The following SCRT2 variants were observed in gnomAD, a reference collection of about 807,000 sequenced individuals.
The protein encoded by SCRT2 is scratch family transcriptional repressor 2, also known as transcriptional repressor scratch 2.
Under a neutral mutation model 3.7 loss-of-function variants are expected in SCRT2, and 2 were observed. That is an observed-to-expected ratio of 0.54 (90% CI 0.22 to 1.70). The LOEUF (loss-of-function observed/expected upper bound fraction) is 1.70, where lower values mean the gene tolerates loss of function less well. Among genes scored for constraint, SCRT2 ranks in the 40% most tolerant of loss-of-function variants. The pLI is 0.19. For synonymous variants in SCRT2, 256 were observed against 220.6 expected (o/e 1.16, Z -1.42); for missense variants, 456 against 468.5 (o/e 0.97, Z 0.25).
intron 1 of SCRT2, among the ~76,000 whole-genome samples, chr20:673,262 G>T (rs1984404147): frequency 6.6e-6 from 1 of 152,234 alleles, no homozygotes; most frequent in Non-Finnish European, 1.5e-5. Context: ...CCTGACAGTG[G>T]CCTCCCAGCA....
Position 666,810 on chromosome 20 carries a change from C to A in SCRT2, c.134-2349G>T, listed in dbSNP as rs1984169234. Among the ~76,000 whole-genome samples the A allele has an allele frequency of 6.6e-6, 1 of 152,208 alleles. No individual in the cohort carries two copies. Among genetic ancestry groups the A allele is most frequent in the Non-Finnish European group, 1.5e-5 (1 of 68,034 alleles). ...CAGTCCTGTTCACCTGGTCTCAGGG[C>A]AGGTCTGCATCTCATGTGTCTGGGG... On this transcript the variant is annotated intron_variant, in intron 1 of 1. Transcript: ENST00000246104. The surrounding 1 kb of genome is among the most constrained non-coding windows in gnomAD (Gnocchi z 4.4).
Position 664,525 on chromosome 20 carries a change from G to T in SCRT2, c.134-64C>A. 8.7e-7 allele frequency: 1 copy of T among 1,149,192 alleles called. No individual in the cohort carries two copies. Among genetic ancestry groups the T allele is most frequent in the Non-Finnish European group, 1.1e-6 (1 of 909,516 alleles). The allele number at this position is 1,149,192 out of a possible 1,614,324, so 71.2% of individuals were successfully genotyped here. The stretch of plus-strand genomic sequence containing the variant: ...CGCCGAAGAGGGTTTCCCGCTTTGA[G>T]CGCGTCACCCTTTGCGCCTTCCAGC... On this transcript the variant is annotated intron_variant, in intron 1 of 1. Coordinates refer to ENST00000246104, the MANE Select transcript of SCRT2 (RefSeq NM_033129.4). This position sits in a 1 kb window ranked among gnomAD's most constrained non-coding sequence, Gnocchi z 7.9.
chr20:665,878 G>A lies in SCRT2; in HGVS notation c.134-1417C>T, dbSNP rs1984139028. Reference sequence around the variant, plus strand: ...CCCCTAGCCTCCTTCACTGAAGTGAGCAGGTGGAGGAGGGTTTTGTAAGGG... The same window carrying A: ...CCCCTAGCCTCCTTCACTGAAGTGAACAGGTGGAGGAGGGTTTTGTAAGGG... On this transcript the variant is annotated intron_variant, in intron 1 of 1. Coordinates refer to ENST00000246104, the MANE Select transcript of SCRT2 (RefSeq NM_033129.4). The surrounding 1 kb of genome is among the most constrained non-coding windows in gnomAD (Gnocchi z 5.0). 6.6e-6 allele frequency among the ~76,000 whole-genome samples: 1 copy of A among 152,176 alleles called. No individual in the cohort carries two copies. Among genetic ancestry groups the A allele is most frequent in the Non-Finnish European group, 1.5e-5 (1 of 68,036 alleles).
chr20:675,765 G>T lies in SCRT2; in HGVS notation c.-164C>A, dbSNP rs956712121. On this transcript the variant is annotated 5_prime_UTR_variant, in exon 1 of 2. Coordinates refer to ENST00000246104, the MANE Select transcript of SCRT2 (RefSeq NM_033129.4). This position sits in a 1 kb window ranked among gnomAD's most constrained non-coding sequence, Gnocchi z 6.9. ...CGGCCCCGGCTCGGGCTCGGGCTTG[G>T]CGGCGGCGGCGCGCAGACAGGGGAT... is the stretch of plus-strand genomic sequence containing the variant. 1.1e-5 allele frequency: 3 copies of T among 274,200 alleles called. No homozygotes were observed. Among genetic ancestry groups the T allele is most frequent in the Non-Finnish European group, 1.9e-5 (3 of 158,934 alleles). The allele number at this position is 274,200 out of a possible 1,614,324, so 17.0% of individuals were successfully genotyped here. A position where few individuals can be genotyped will look rare whatever the true frequency, so the allele number is the denominator to read the frequency against.
In SCRT2 at chr20:667,100, C is replaced by A. The variant is rs1416670669; in HGVS notation, c.134-2639G>T. 6.6e-6 allele frequency among the ~76,000 whole-genome samples: 1 copy of A among 152,160 alleles called. No homozygotes were observed. Among genetic ancestry groups the A allele is most frequent in the African/African-American group, 2.4e-5 (1 of 41,422 alleles). On this transcript the variant is annotated intron_variant, in intron 1 of 1. Coordinates refer to ENST00000246104, the MANE Select transcript of SCRT2 (RefSeq NM_033129.4). This position sits in a 1 kb window ranked among gnomAD's most constrained non-coding sequence, Gnocchi z 4.4. ...CAAACGATTTGGCCTCTGTGTGACT[C>A]TACCGTTTCAGTAAGGGGTCTGCCA...
chr20:664,362 G>T lies in SCRT2; in HGVS notation c.233C>A (p.Pro78Gln). The T allele has an allele frequency of 6.9e-7, 1 of 1,451,682 alleles. No individual in the cohort carries two copies. The allele number at this position is 1,451,682 out of a possible 1,614,324, so 89.9% of individuals were successfully genotyped here. Residue 78 changes from proline (P) to glutamine (Q), a missense_variant, in exon 2 of 2, where the codon CCG becomes CAG. Around this residue, in one of 3 missense-constraint regions of SCRT2, gnomAD observed 306 missense variants for 305.3 expected, o/e 1.00. Coordinates refer to ENST00000246104, the MANE Select transcript of SCRT2 (RefSeq NM_033129.4). This position sits in a 1 kb window ranked among gnomAD's most constrained non-coding sequence, Gnocchi z 7.9. ...GCTTTCGGGGTCGCTGTACTCCTCC[G>T]GCGCCGCCGGCGGGTACGCGGGCTC... ...PAEPAYPPAA[P>Q]EEYSDPESPQ...
chr20:666,790 C>T lies in SCRT2; in HGVS notation c.134-2329G>A, dbSNP rs1568653568. Among the ~76,000 whole-genome samples the T allele has an allele frequency of 6.6e-6, 1 of 152,204 alleles. No individual in the cohort carries two copies. The highest frequency in any genetic ancestry group is 2.1e-4 in the South Asian group (1 of 4,834). ...CTAGCAGGACCTGGTATAGACAGTC[C>T]TGTTCACCTGGTCTCAGGGCAGGTC... On this transcript the variant is annotated intron_variant, in intron 1 of 1. Coordinates refer to ENST00000246104, the MANE Select transcript of SCRT2 (RefSeq NM_033129.4). The surrounding 1 kb of genome is among the most constrained non-coding windows in gnomAD (Gnocchi z 4.4).
At position 665,114 on chromosome 20, in the gene SCRT2, T is replaced by C. The variant is rs1461367852; in HGVS notation, c.134-653A>G. 6.6e-6 allele frequency among the ~76,000 whole-genome samples: 1 copy of C among 152,240 alleles called. No individual in the cohort carries two copies. Among genetic ancestry groups the C allele is most frequent in the African/African-American group, 2.4e-5 (1 of 41,464 alleles). On this transcript the variant is annotated intron_variant, in intron 1 of 1. Transcript: ENST00000246104. The surrounding 1 kb of genome is among the most constrained non-coding windows in gnomAD (Gnocchi z 5.0). ...CGGCACTATTGTAATCCCCATTTGA[T>C]GTGTAAGGAAATGAACAAAGGTGGG...
chr20:672,932 C>G (rs1381074736), intron 1 of SCRT2, among the ~76,000 whole-genome samples: 3 of 152,058 alleles, frequency 2.0e-5, no homozygotes, highest in African/African-American at 7.2e-5. Flanking sequence ...CACCAGGAGC[C>G]GGCGGGCTCT....
At position 663,624 on chromosome 20, in the gene SCRT2, G is replaced by A. The variant is rs1312452015; in HGVS notation, c.*47C>T. 7.5e-7 allele frequency: 1 copy of A among 1,333,444 alleles called. No individual in the cohort carries two copies. The highest frequency in any genetic ancestry group is 9.5e-7 in the Non-Finnish European group (1 of 1,048,602). 82.6% of individuals were successfully genotyped at this position (1,333,444 alleles called of 1,614,324 possible). ...CGCTGCGGGCGCAGGTAGGGGGCCC[G>A]GGGCGCGTGGAGAGCGAGTTCCGGG... On this transcript the variant is annotated 3_prime_UTR_variant, in exon 2 of 2. Transcript: ENST00000246104. The surrounding 1 kb of genome is among the most constrained non-coding windows in gnomAD (Gnocchi z 6.9).
chr20:668,830 C>A (rs1376260995), intron 1 of SCRT2, among the ~76,000 whole-genome samples: 1 of 152,204 alleles, frequency 6.6e-6, no homozygotes, highest in African/African-American at 2.4e-5. Flanking sequence ...CATTTAGCTG[C>A]CTGACCCCCT....
chr20:666,298 C>T lies in SCRT2; in HGVS notation c.134-1837G>A, dbSNP rs778126687. On this transcript the variant is annotated intron_variant, in intron 1 of 1. Transcript: ENST00000246104. This position sits in a 1 kb window ranked among gnomAD's most constrained non-coding sequence, Gnocchi z 4.4. ...CTGGAGGTCCCCCTGCTTCCCACTC[C>T]GGGAACCAGGCCTGGTACTCAGGTC... is the stretch of plus-strand genomic sequence containing the variant. Among the ~76,000 whole-genome samples the T allele has an allele frequency of 6.6e-5, 10 of 152,200 alleles. No homozygotes were observed. Among genetic ancestry groups the T allele is most frequent in the Admixed American group, 2.6e-4 (4 of 15,298 alleles).
At position 665,549 on chromosome 20, in the gene SCRT2, T is replaced by G. The variant is rs1182626956; in HGVS notation, c.134-1088A>C. The stretch of plus-strand genomic sequence containing the variant: ...TTGAGTGATTGGTGGGTGGGCAGGC[T>G]GGGGTCTCCCTGGGGATTCCGTAGG... On this transcript the variant is annotated intron_variant, in intron 1 of 1. Coordinates refer to ENST00000246104, the MANE Select transcript of SCRT2 (RefSeq NM_033129.4). This position sits in a 1 kb window ranked among gnomAD's most constrained non-coding sequence, Gnocchi z 5.0. 6.6e-6 allele frequency among the ~76,000 whole-genome samples: 1 copy of G among 152,150 alleles called. No homozygotes were observed. Among genetic ancestry groups the G allele is most frequent in the Admixed American group, 6.5e-5 (1 of 15,274 alleles).
In SCRT2 at chr20:666,945, G is replaced by A. The variant is rs1984173604; in HGVS notation, c.134-2484C>T. Among the ~76,000 whole-genome samples, 1 of 152,120 alleles carries A rather than the reference G, an allele frequency of 6.6e-6. No homozygotes were observed. The highest frequency in any genetic ancestry group is 2.4e-5 in the African/African-American group (1 of 41,392). ...TTTTAAAATGGGATTTATCTGGAGG[G>A]GTGACTGATCACGTAACCAGTGCTT... On this transcript the variant is annotated intron_variant, in intron 1 of 1. Transcript: ENST00000246104. This position sits in a 1 kb window ranked among gnomAD's most constrained non-coding sequence, Gnocchi z 4.4.
Position 663,816 on chromosome 20 carries a change from T to G in SCRT2, c.779A>C (p.Gln260Pro). Residue 260 changes from glutamine to proline, a missense_variant, in exon 2 of 2, where the codon CAG becomes CCG. Coordinates refer to ENST00000246104, the MANE Select transcript of SCRT2 (RefSeq NM_033129.4). This position sits in a 1 kb window ranked among gnomAD's most constrained non-coding sequence, Gnocchi z 6.9. ...GTAGTGCTTGAAGGCCGAGTGCGTC[T>G]GCATGTGCGCGCGCAGGTTGGAGCG... ...ADRSNLRAHM[Q>P]THSAFKHYRC... The G allele has an allele frequency of 6.3e-7, 1 of 1,597,346 alleles. No homozygotes were observed. The highest frequency in any genetic ancestry group is 8.5e-7 in the Non-Finnish European group (1 of 1,174,030).
chr20:668,222 G>A (rs1262412041), intron 1 of SCRT2, among the ~76,000 whole-genome samples: 1 of 152,166 alleles, frequency 6.6e-6, no homozygotes, highest in Non-Finnish European at 1.5e-5. Flanking sequence ...ATCTGCCAGA[G>A]AGTAGGAGAT....
In SCRT2 at chr20:667,067, A is replaced by G. The variant is rs1222678369; in HGVS notation, c.134-2606T>C. On this transcript the variant is annotated intron_variant, in intron 1 of 1. Coordinates refer to ENST00000246104, the MANE Select transcript of SCRT2 (RefSeq NM_033129.4). This position sits in a 1 kb window ranked among gnomAD's most constrained non-coding sequence, Gnocchi z 4.4. ...TGGCTCTACCATTCCCAGCAGTGTG[A>G]CCTTGGCCAAACGATTTGGCCTCTG... Among the ~76,000 whole-genome samples, 6 of 152,148 alleles carry G rather than the reference A, an allele frequency of 3.9e-5. No individual in the cohort carries two copies. Among genetic ancestry groups the G allele is most frequent in the Admixed American group, 1.3e-4 (2 of 15,264 alleles).
At chr20:673,210 C>T (rs1984402241) in intron 1 of SCRT2, among the ~76,000 whole-genome samples, 1 of 152,202 alleles carries the variant, frequency 6.6e-6, no homozygotes, top group Non-Finnish European at 1.5e-5. Flanking sequence ...ATGCCGCTAC[C>T]CTCAGCCAGG....
chr20:674,820 C>A (rs1984474180), intron 1 of SCRT2, among the ~76,000 whole-genome samples: 1 of 151,884 alleles, frequency 6.6e-6, no homozygotes, highest in South Asian at 2.1e-4. Context: ...GAGTGCAATC[C>A]AGGGGACCAG....
Sources: gnomAD v4.1 joint callset for allele counts (sites outside exome capture counted in the v4.1 genomes callset) on GRCh38, gnomAD v4.1.1 for gene constraint, gnomAD v4.1.1 regional missense constraint, Gnocchi (gnomAD v3.1) non-coding constraint, MANE v1.5 for transcripts, NCBI Gene and HGNC (gene_info 2026-07-23, HGNC 2026-07-21) for gene names.